LUC7L2: variants seen among roughly 807,000 people sequenced by gnomAD.
LUC7L2 encodes the protein LUC7 like 2, pre-mRNA splicing factor, also known as putative RNA-binding protein Luc7-like 2.
LUC7L2 carries 25 observed loss-of-function variants against 52.8 expected under a neutral mutation model. That is an observed-to-expected ratio of 0.47 (90% CI 0.34 to 0.66). LUC7L2 has a LOEUF of 0.66. Among genes scored for constraint, LUC7L2 ranks in the 30% least tolerant of loss-of-function variants. The pLI, the probability that LUC7L2 is intolerant of heterozygous loss-of-function variation, is 0.01. For missense variants in LUC7L2, 328 were observed against 497.8 expected (o/e 0.66, Z 3.25); for synonymous variants, 144 against 160.9 (o/e 0.89, Z 0.80).
rs1036846925 is a variant in LUC7L2, at chr7:139,408,885, T to C, written c.688-678T>C. On this transcript the variant is annotated intron_variant, in intron 6 of 9. Transcript: ENST00000354926. ...TCATGGAGCTGGGTATGGTGGCTTA[T>C]GCCTGTAATCCCAGCACTTTGGGAT... Among the ~76,000 whole-genome samples the C allele has an allele frequency of 3.7e-4, 55 of 149,964 alleles. 1 individual carries two copies. Among genetic ancestry groups the C allele is most frequent in the Admixed American group, 3.5e-3 (52 of 15,062 alleles).
chr7:139,392,214 TC>T (rs1287398447), intron 2 of LUC7L2: 2 of 167,848 alleles, frequency 1.2e-5, no homozygotes, highest in Non-Finnish European at 2.6e-5. Context: ...ATTATTTCAC[TC>T]TTAATTCCTT....
intron 9 of LUC7L2, among the ~76,000 whole-genome samples, chr7:139,421,098 G>GTCTT (rs1411994531): frequency 6.1e-4 from 93 of 152,314 alleles, no homozygotes; most frequent in African/African-American, 2.2e-3. Context: ...ACCGTGCCCA[G>GTCTT]TCTTTTTATA....
chr7:139,343,925 CCAAAAA>C (rs1799130319), intron 1 of LUC7L2, among the ~76,000 whole-genome samples: 1 of 126,508 alleles, frequency 7.9e-6, no homozygotes, highest in African/African-American at 3.5e-5. Flanking sequence ...GACCCTGTCC[CCAAAAA>C]AAAAAAAAAA....
At chr7:139,386,582 G>A (rs28735587) in intron 2 of LUC7L2, among the ~76,000 whole-genome samples, 16,294 of 139,894 alleles carry the variant, frequency 0.12, 2,462 homozygotes, top group African/African-American at 0.4. Context: ...TTTTTTTTTC[G>A]TATTTTTAGT....
chr7:139,368,939 C>T (rs1050823230), intron 1 of LUC7L2, among the ~76,000 whole-genome samples: 3 of 152,034 alleles, frequency 2.0e-5, no homozygotes, highest in African/African-American at 7.2e-5. Context: ...ATTTTAACTT[C>T]TTCCTTTATC....
intron 1 of LUC7L2, among the ~76,000 whole-genome samples, chr7:139,363,770 G>A (rs1229389040): frequency 1.3e-5 from 2 of 152,102 alleles, no homozygotes; most frequent in Non-Finnish European, 2.9e-5. Flanking sequence ...AGAATTGTCT[G>A]TGTGACAGTT....
rs1213524186 is a variant in LUC7L2 at position 139,376,066 on chromosome 7, T to C, written c.66T>C (p.Asp22=). The C allele has an allele frequency of 1.2e-6, 2 of 1,613,640 alleles. No individual in the cohort carries two copies. The highest frequency in any genetic ancestry group is 1.3e-5 in the African/African-American group (1 of 74,920). The change falls in exon 2 of 10, where the codon GAT becomes GAC. Residue 22 remains aspartate, a synonymous_variant. Coordinates refer to ENST00000354926, the MANE Select transcript of LUC7L2 (RefSeq NM_016019.5). ...DQLMGTSRDG[D]TTRQRIKFSD... is the part of the protein sequence containing the mutation. The stretch of plus-strand genomic sequence containing the variant: ...ATTAACTCTTCTATATTACAGGAGA[T>C]ACAACTCGTCAACGAATCAAATTCA...
chr7:139,360,260 C>G lies in LUC7L2; in HGVS notation c.-2C>G. 1 of 1,557,224 alleles carries G rather than the reference C, an allele frequency of 6.4e-7. No homozygotes were observed. On this transcript the variant is annotated 5_prime_UTR_variant, in exon 1 of 10. Transcript: ENST00000354926. ...CGCCCGTCCGCCCGCTACGCCGCCG[C>G]CATGTCGGCGCAGGCCCAGATGCGC...
intron 3 of LUC7L2, among the ~76,000 whole-genome samples, chr7:139,399,449 A>AGTTTTTTTTT (rs1794801248): frequency 4.0e-5 from 2 of 50,444 alleles, no homozygotes; most frequent in Non-Finnish European, 7.7e-5. Flanking sequence ...TGTTTGGGGG[A>AGTTTTTTTTT]TTTTTTTTTT....
At chr7:139,348,942 C>G (rs1311601833) in intron 1 of LUC7L2, among the ~76,000 whole-genome samples, 1 of 152,088 alleles carries the variant, frequency 6.6e-6, no homozygotes, top group East Asian at 1.9e-4. Context: ...AGGTAGATCA[C>G]TTGAGGTCAG....
chr7:139,387,577 A>G (rs556304582), intron 2 of LUC7L2, among the ~76,000 whole-genome samples: 1 of 152,268 alleles, frequency 6.6e-6, no homozygotes, highest in Non-Finnish European at 1.5e-5. Context: ...ATGAAGTGAC[A>G]TTTGAGATCG....
At chr7:139,411,374 A>G (rs1029203702) in intron 7 of LUC7L2, among the ~76,000 whole-genome samples, 3 of 152,220 alleles carry the variant, frequency 2.0e-5, no homozygotes, top group Admixed American at 6.5e-5. Flanking sequence ...ATAATCATTT[A>G]CTGGGTGCTT....
chr7:139,341,646 T>A (rs1398059863), intron 1 of LUC7L2: 6 of 1,453,026 alleles, frequency 4.1e-6, no homozygotes, highest in Non-Finnish European at 4.6e-6. Context: ...CACGGAGCCC[T>A]GGTTCTGACC....
At chr7:139,367,247 C>A (rs751705178) in intron 1 of LUC7L2, among the ~76,000 whole-genome samples, 2 of 152,190 alleles carry the variant, frequency 1.3e-5, no homozygotes, top group Non-Finnish European at 2.9e-5. Flanking sequence ...GCTGGTATTA[C>A]AGGCGTGAAC....
chr7:139,366,429 C>T (rs1179977173), intron 1 of LUC7L2, among the ~76,000 whole-genome samples: 4 of 152,168 alleles, frequency 2.6e-5, no homozygotes, highest in African/African-American at 7.2e-5. Context: ...CTGTTCTGTT[C>T]TGTACTGTGC....
rs193087908 is a variant in LUC7L2 at position 139,383,527 on chromosome 7, T to A, written c.156+7371T>A. ...CCCGGGCTCAAGCAATTCTCCTGCC[T>A]CAGCCTCCCGAGTAGCTGGGATTAG... On this transcript the variant is annotated intron_variant, in intron 2 of 9. Transcript: ENST00000354926. Among the ~76,000 whole-genome samples, 54 of 152,114 alleles carry A rather than the reference T, an allele frequency of 3.5e-4. No homozygotes were observed. The South Asian group carries it at 4.6e-3, about 13-fold the overall frequency.
chr7:139,353,297 T>C (rs1207113901), intron 1 of LUC7L2, among the ~76,000 whole-genome samples: 1 of 152,216 alleles, frequency 6.6e-6, no homozygotes, highest in Non-Finnish European at 1.5e-5. Flanking sequence ...ATTTACCATA[T>C]TTAGTTCATA....
In LUC7L2 at chr7:139,360,313, TC is replaced by T; in HGVS notation, c.55del (p.Arg19GlyfsTer42). ...GATGCTGGACCAGTTGATGGGCACCTCCCGGGACGGTAAGTCTCTGCCAGGG... is the reference window on the plus strand; with the variant it reads ...GATGCTGGACCAGTTGATGGGCACCTCCGGGACGGTAAGTCTCTGCCAGGG... ...RAMLDQLMGT[S>X]RDGDTTRQRI... On this transcript the variant is annotated frameshift_variant, in exon 1 of 10. Coordinates refer to ENST00000354926, the MANE Select transcript of LUC7L2 (RefSeq NM_016019.5). LOFTEE classifies it high-confidence loss of function. The T allele has an allele frequency of 6.4e-7, 1 of 1,569,604 alleles. No homozygotes were observed. The highest frequency in any genetic ancestry group is 8.6e-7 in the Non-Finnish European group (1 of 1,158,326).
At chr7:139,359,664 G>A (rs1019099537), upstream of LUC7L2, 56 of 397,874 alleles carry the variant, frequency 1.4e-4, no homozygotes, top group East Asian at 2.0e-3. Flanking sequence ...CCTACAGCCG[G>A]GAGGGAATGT....
Sources: gnomAD v4.1 joint callset for allele counts (sites outside exome capture counted in the v4.1 genomes callset) on GRCh38, gnomAD v4.1.1 for gene constraint, MANE v1.5 for transcripts, NCBI Gene and HGNC (gene_info 2026-07-23, HGNC 2026-07-21) for gene names.